The following BMPER variants were observed in gnomAD, a reference collection of about 807,000 sequenced individuals.
The protein encoded by BMPER is BMP binding endothelial regulator, also known as BMP-binding endothelial regulator protein.
In BMPER, 45 loss-of-function variants were observed where a neutral mutation model predicts 87.3. That is an observed-to-expected ratio of 0.52 (90% CI 0.41 to 0.66). BMPER has a LOEUF of 0.66. BMPER is among the 30% of genes least tolerant of loss of function. The pLI is 0.00. For missense variants in BMPER, 784 were observed against 867.5 expected (o/e 0.90, Z 1.21); for synonymous variants, 326 against 316.2 (o/e 1.03, Z -0.33).
chr7:33,995,444 G>A (rs1249084711), intron 6 of BMPER, among the ~76,000 whole-genome samples: 1 of 152,128 alleles, frequency 6.6e-6, no homozygotes, highest in Non-Finnish European at 1.5e-5. Flanking sequence ...GAGCCAGGAT[G>A]AGACCTCCTG....
At chr7:34,043,283 T>G (rs751153401) in intron 6 of BMPER, among the ~76,000 whole-genome samples, 13 of 152,220 alleles carry the variant, frequency 8.5e-5, no homozygotes, top group African/African-American at 1.2e-4. Context: ...GACTTCCATG[T>G]GGTAACCCAG....
intron 6 of BMPER, among the ~76,000 whole-genome samples, chr7:33,996,279 A>G (rs918803428): frequency 1.3e-4 from 20 of 152,128 alleles, no homozygotes; most frequent in Non-Finnish European, 1.0e-4. Flanking sequence ...GGAATAATAC[A>G]TGCTGTGCCT....
intron 6 of BMPER, among the ~76,000 whole-genome samples, chr7:33,992,592 T>C (rs1241532723): frequency 1.3e-5 from 2 of 149,398 alleles, no homozygotes; most frequent in African/African-American, 4.9e-5. Context: ...CTGTGTCTTT[T>C]AATTGGAGCA....
intron 6 of BMPER, among the ~76,000 whole-genome samples, chr7:33,975,512 A>C (rs553530507): frequency 6.6e-6 from 1 of 152,318 alleles, no homozygotes; most frequent in South Asian, 2.1e-4. Flanking sequence ...GGCACATGCT[A>C]CAATTGTAAA....
chr7:33,960,012 G>A (rs1785230498), intron 3 of BMPER, among the ~76,000 whole-genome samples: 1 of 152,114 alleles, frequency 6.6e-6, no homozygotes, highest in African/African-American at 2.4e-5. Context: ...AAAATTAAGT[G>A]AAATAGCTTT....
chr7:34,061,137 C>A (rs879758547), intron 10 of BMPER, among the ~76,000 whole-genome samples: 2 of 152,182 alleles, frequency 1.3e-5, no homozygotes, highest in African/African-American at 2.4e-5. Flanking sequence ...AAATCCTTAT[C>A]ACTAACCCAA....
At chr7:33,940,172 C>T (rs1378602091) in intron 3 of BMPER, among the ~76,000 whole-genome samples, 1 of 152,082 alleles carries the variant, frequency 6.6e-6, no homozygotes, top group East Asian at 1.9e-4. Flanking sequence ...TCTGTATTTT[C>T]CCATGTAAAA....
chr7:34,146,422 ACTAATGGAACC>A (rs1428195930), intron 14 of BMPER, among the ~76,000 whole-genome samples: 1 of 150,332 alleles, frequency 6.7e-6, no homozygotes, highest in African/African-American at 2.4e-5. Context: ...GGCACAAAGG[ACTAATGGAACC>A]CTAATTTAGC....
intron 2 of BMPER, among the ~76,000 whole-genome samples, chr7:33,921,176 C>T (rs141462618): frequency 1.4e-4 from 21 of 152,278 alleles, no homozygotes; most frequent in African/African-American, 4.3e-4. Flanking sequence ...GAAGCTTCTT[C>T]AGGGTAGGAA....
chr7:33,917,273 A>G (rs1377318971), intron 2 of BMPER, among the ~76,000 whole-genome samples: 1 of 152,118 alleles, frequency 6.6e-6, no homozygotes, highest in East Asian at 1.9e-4. Flanking sequence ...ACAAGCCTTC[A>G]TGTTTATATT....
At chr7:33,919,523 G>A (rs1323799005) in intron 2 of BMPER, among the ~76,000 whole-genome samples, 5 of 152,208 alleles carry the variant, frequency 3.3e-5, no homozygotes. Flanking sequence ...TGAGGGTGGT[G>A]GGACAGTGGT....
Position 33,920,072 on chromosome 7 carries a change from T to C in BMPER, c.219+13169T>C, listed in dbSNP as rs545855435. On this transcript the variant is annotated intron_variant, in intron 2 of 14. Coordinates refer to ENST00000649409, the MANE Select transcript of BMPER (RefSeq NM_001365308.1). ...GAAACTAATAGTTGTGTATGTGTGC[T>C]GGGGGCCCATAAAATGGAGCCTGAA... is the stretch of plus-strand genomic sequence containing the variant. Among the ~76,000 whole-genome samples, 5 of 152,306 alleles carry C rather than the reference T, an allele frequency of 3.3e-5. No homozygotes were observed. In the East Asian group the frequency reaches 9.7e-4, roughly 29 times the overall value.
chr7:34,088,544 C>T (rs11973757), intron 13 of BMPER, among the ~76,000 whole-genome samples: 2,719 of 152,196 alleles, frequency 0.018, 93 homozygotes, highest in African/African-American at 0.062. Flanking sequence ...GAGAATGAGC[C>T]GTGGGGAAGG....
intron 6 of BMPER, among the ~76,000 whole-genome samples, chr7:33,977,862 T>C (rs1225653896): frequency 6.6e-6 from 1 of 152,032 alleles, no homozygotes; most frequent in Non-Finnish European, 1.5e-5. Flanking sequence ...CATACACATG[T>C]TTAAGATTGG....
intron 2 of BMPER, among the ~76,000 whole-genome samples, chr7:33,926,397 AG>A (rs1394078104): frequency 1.3e-5 from 2 of 152,210 alleles, no homozygotes; most frequent in Non-Finnish European, 2.9e-5. Flanking sequence ...TTAATGATTA[AG>A]GGTTCTAATT....
In BMPER at chr7:33,905,571, C is replaced by A. The variant is rs775814010; in HGVS notation, c.-43C>A. 3 of 1,604,594 alleles carry A rather than the reference C, an allele frequency of 1.9e-6. No individual in the cohort carries two copies. Among genetic ancestry groups the A allele is most frequent in the South Asian group, 2.2e-5 (2 of 90,440 alleles). On this transcript the variant is annotated 5_prime_UTR_variant, in exon 1 of 15. Coordinates refer to ENST00000649409, the MANE Select transcript of BMPER (RefSeq NM_001365308.1). ...AGCTGCGGCAGCTGAGCAGAGGCGG[C>A]GGCGCGGGACCTGCAGTCGCCAGGG... is the stretch of plus-strand genomic sequence containing the variant.
intron 11 of BMPER, among the ~76,000 whole-genome samples, chr7:34,069,212 A>C (rs1287551159): frequency 6.6e-6 from 1 of 152,226 alleles, no homozygotes; most frequent in Admixed American, 6.5e-5. Context: ...AAATACAGCT[A>C]AACGACAAAA....
intron 14 of BMPER, among the ~76,000 whole-genome samples, chr7:34,150,496 C>G (rs1791143521): frequency 6.6e-6 from 1 of 152,096 alleles, no homozygotes; most frequent in African/African-American, 2.4e-5. Flanking sequence ...ACCATTAGTC[C>G]ACTGAAGCAT....
At chr7:34,096,767 T>C (rs1789542251) in intron 13 of BMPER, among the ~76,000 whole-genome samples, 1 of 152,128 alleles carries the variant, frequency 6.6e-6, no homozygotes, top group Non-Finnish European at 1.5e-5. Flanking sequence ...ATTATACTAG[T>C]GTATCCAAAG....
Sources: allele counts gnomAD v4.1 joint callset (sites outside exome capture counted in the v4.1 genomes callset), GRCh38; gene constraint gnomAD v4.1.1; transcripts MANE v1.5; gene names NCBI Gene and HGNC (gene_info 2026-07-23, HGNC 2026-07-21).